Variants in MUC5AC observed in about 807,000 individuals in gnomAD.
MUC5AC encodes the protein mucin 5AC, oligomeric mucus/gel-forming.
A neutral mutation model predicts 169.7 loss-of-function variants in MUC5AC; 158 were observed. That is an observed-to-expected ratio of 0.93 (90% CI 0.82 to 1.06). The LOEUF is 1.06. MUC5AC is among the 50% of genes least tolerant of loss of function. MUC5AC has a pLI of 0.00. For synonymous variants in MUC5AC, 1,975 were observed against 1,237.0 expected (o/e 1.60, Z -12.52); for missense variants, 4,359 against 3,089.9 (o/e 1.41, Z -9.74).
rs780546438 is a variant in MUC5AC at position 1,167,933 on chromosome 11, G to A, written c.1443G>A (p.Thr481=). The change falls in exon 12 of 49, where the codon ACG becomes ACA. Residue 481 remains threonine (T), a synonymous_variant. Coordinates refer to ENST00000621226, the MANE Select transcript of MUC5AC (RefSeq NM_001304359.2). ...VLAELRRCGL[T]DSETCLKSVT... ...CTGAGCTGCGCAGGTGCGGGCTGACGGACAGCGAGACCTGCCTGAAGAGCG... is the reference window on the plus strand; with the variant it reads ...CTGAGCTGCGCAGGTGCGGGCTGACAGACAGCGAGACCTGCCTGAAGAGCG... 9.7e-6 allele frequency: 15 copies of A among 1,550,706 alleles called. No homozygotes were observed. Among genetic ancestry groups the A allele is most frequent in the Middle Eastern group, 3.3e-4 (2 of 6,010 alleles).
chr11:1,194,366 G>A lies in MUC5AC; in HGVS notation c.15006+6G>A. On this transcript the variant is annotated splice_donor_region_variant and intron_variant, in intron 34 of 48. Transcript: ENST00000621226. ...ACGGGGTGATGACAAACGAGGTGGGGGCGCGCCCGGTGTGCCGCGGAGGGG... is the reference window on the plus strand; with the variant it reads ...ACGGGGTGATGACAAACGAGGTGGGAGCGCGCCCGGTGTGCCGCGGAGGGG... The A allele has an allele frequency of 1.4e-6, 1 of 719,538 alleles. No individual in the cohort carries two copies. The highest frequency in any genetic ancestry group is 1.9e-5 in the Admixed American group (1 of 52,126). 44.6% of individuals were successfully genotyped at this position (719,538 alleles called of 1,614,324 possible).
Position 1,187,270 on chromosome 11 carries a change from G to A in MUC5AC, c.9125G>A (p.Ser3042Asn). The change falls in exon 31 of 49, where the codon AGC (serine) becomes AAC (asparagine). Residue 3042 changes from serine (S) to asparagine (N), a missense_variant. By Grantham distance (46) the Ser-to-Asn change is conservative. Transcript: ENST00000621226. ...PTTSTTSTPT[S>N]STTSSPQTST... is the part of the protein sequence containing the mutation. The stretch of plus-strand genomic sequence containing the variant: ...ACCAGCACAACCTCTACCCCTACAA[G>A]CAGCACAACCTCCTCTCCACAGACC... 1 of 616,810 alleles carries A rather than the reference G, an allele frequency of 1.6e-6. No individual in the cohort carries two copies. Among genetic ancestry groups the A allele is most frequent in the South Asian group, 1.6e-5 (1 of 61,176 alleles). The allele number at this position is 616,810 out of a possible 1,614,324, so 38.2% of individuals were successfully genotyped here.
chr11:1,168,009 A>C, intron 12 of MUC5AC, 22 bp downstream of exon 12: 1 of 1,540,068 alleles, frequency 6.5e-7, no homozygotes. Context: ...CTGGCAGGGC[A>C]AACCCCGGGA....
intron 15 of MUC5AC, among the ~76,000 whole-genome samples, chr11:1,171,591 AC>A (rs1257176429): frequency 7.0e-5 from 9 of 128,908 alleles, no homozygotes; most frequent in Admixed American, 1.6e-4. Context: ...TCACCCACTC[AC>A]CCACTCACTC....
In MUC5AC at chr11:1,194,437, C is replaced by A. The variant is rs183308551; in HGVS notation, c.15007-50C>A. On this transcript the variant is annotated intron_variant, in intron 34 of 48. Transcript: ENST00000621226. Reference sequence around the variant, plus strand: ...GGCAAGAGCCTGAGCAGCGGCTGACCGCCCGCCCGCCTGCCTTCTGACTTC... The same window carrying A: ...GGCAAGAGCCTGAGCAGCGGCTGACAGCCCGCCCGCCTGCCTTCTGACTTC... The A allele has an allele frequency of 8.7e-5, 62 of 713,730 alleles. No individual in the cohort carries two copies. In the East Asian group the frequency reaches 1.5e-3, roughly 17 times the overall value. The allele number at this position is 713,730 out of a possible 1,614,324, so 44.2% of individuals were successfully genotyped here. A position where few individuals can be genotyped will look rare whatever the true frequency, so the allele number is the denominator to read the frequency against.
chr11:1,190,921 C>T lies in MUC5AC; in HGVS notation c.12776C>T (p.Pro4259Leu). The T allele has an allele frequency of 1.4e-6, 1 of 738,082 alleles. No individual in the cohort carries two copies. The highest frequency in any genetic ancestry group is 2.5e-6 in the Non-Finnish European group (1 of 405,484). 45.7% of individuals were successfully genotyped at this position (738,082 alleles called of 1,614,324 possible). The part of the protein sequence containing the change: ...TTSGPGTTPS[P>L]VPSTSTTSAA... Reference sequence around the variant, plus strand: ...TCTGGTCCTGGAACTACTCCAAGCCCTGTTCCCAGCACCAGTACAACCTCT... The same window carrying T: ...TCTGGTCCTGGAACTACTCCAAGCCTTGTTCCCAGCACCAGTACAACCTCT... The change falls in exon 31 of 49, where the codon CCT becomes CTT. Residue 4259 changes from proline (P) to leucine (L), a missense_variant. Coordinates refer to ENST00000621226, the MANE Select transcript of MUC5AC (RefSeq NM_001304359.2).
In MUC5AC at chr11:1,191,606, C is replaced by A. The variant is rs76948056; in HGVS notation, c.13461C>A (p.Thr4487=). The A allele has an allele frequency of 1.4e-6, 1 of 711,628 alleles. No individual in the cohort carries two copies. Among genetic ancestry groups the A allele is most frequent in the African/African-American group, 1.8e-5 (1 of 54,662 alleles). The allele number at this position is 711,628 out of a possible 1,614,324, so 44.1% of individuals were successfully genotyped here. ...PGTTPSPVPT[T]STTSAPTTST... is the part of the protein sequence containing the mutation. ...CTACTCCCAGCCCTGTTCCCACCAC[C>A]AGCACAACCTCTGCTCCTACAACCA... The change falls in exon 31 of 49, where the codon ACC becomes ACA. Residue 4487 remains threonine (T), a synonymous_variant. Coordinates refer to ENST00000621226, the MANE Select transcript of MUC5AC (RefSeq NM_001304359.2).
intron 27 of MUC5AC, 59 bp from the exon 28 acceptor site, chr11:1,180,295 T>C (rs1025419866): frequency 2.5e-6 from 1 of 398,480 alleles, no homozygotes; most frequent in Non-Finnish European, 4.4e-6. Context: ...GGCGGAGCCC[T>C]CCAGAGCGAG....
In MUC5AC at chr11:1,182,650, G is replaced by A. The variant is rs879011418; in HGVS notation, c.4505G>A (p.Arg1502Gln). The A allele has an allele frequency of 1.1e-4, 42 of 399,170 alleles. No individual in the cohort carries two copies. Among genetic ancestry groups the A allele is most frequent in the East Asian group, 1.8e-4 (5 of 28,078 alleles). 24.7% of individuals were successfully genotyped at this position (399,170 alleles called of 1,614,324 possible). A position where few individuals can be genotyped will look rare whatever the true frequency, so the allele number is the denominator to read the frequency against. Residue 1502 changes from arginine (R) to glutamine (Q), a missense_variant, in exon 31 of 49, where the codon CGG (arginine) becomes CAG (glutamine). Physicochemically the swap from Arg to Gln is conservative, Grantham distance 43. Coordinates refer to ENST00000621226, the MANE Select transcript of MUC5AC (RefSeq NM_001304359.2). ...ACTACCTCCAAGACCACTGAAACCC[G>A]GGCCTCAGGCTCCTCAGCTCCCAGC... ...PPTTSKTTET[R>Q]ASGSSAPSST... is the part of the protein sequence containing the mutation.
rs1157681422 is a variant in MUC5AC, at chr11:1,199,978, C to T, written c.16700+9C>T. The T allele has an allele frequency of 1.3e-6, 1 of 756,758 alleles. No individual in the cohort carries two copies. Among genetic ancestry groups the T allele is most frequent in the Admixed American group, 1.7e-5 (1 of 57,812 alleles). The allele number at this position is 756,758 out of a possible 1,614,324, so 46.9% of individuals were successfully genotyped here. On this transcript the variant is annotated intron_variant, in intron 48 of 48. Transcript: ENST00000621226. The stretch of plus-strand genomic sequence containing the variant: ...GGGGACAGCTCTTCCATGTACGTGC[C>T]TGGGCAGCAGGCAGGGAGACGCGAT...
At position 1,189,478 on chromosome 11, in the gene MUC5AC, C is replaced by T. The variant is rs1590147312; in HGVS notation, c.11333C>T (p.Ala3778Val). The stretch of plus-strand genomic sequence containing the variant: ...GCTCCTACAACCAACACAACCTCTG[C>T]CCCTACAACTAGCACTACCTCTGCT... ...SSAPTTNTTS[A>V]PTTSTTSAPI... is the part of the protein sequence containing the mutation. Residue 3778 changes from alanine to valine, a missense_variant, in exon 31 of 49, where the codon GCC becomes GTC. Coordinates refer to ENST00000621226, the MANE Select transcript of MUC5AC (RefSeq NM_001304359.2). 2 of 581,130 alleles carry T rather than the reference C, an allele frequency of 3.4e-6. No homozygotes were observed. Among genetic ancestry groups the T allele is most frequent in the Non-Finnish European group, 3.1e-6 (1 of 327,464 alleles). 36.0% of individuals were successfully genotyped at this position (581,130 alleles called of 1,614,324 possible). A position where few individuals can be genotyped will look rare whatever the true frequency, so the allele number is the denominator to read the frequency against.
In MUC5AC at chr11:1,194,656, C is replaced by T. The variant is rs1415043881; in HGVS notation, c.15176C>T (p.Thr5059Ile). ...EVPFSKFANN[T>I]EGQCGTCTND... ...CCCTTCAGCAAGTTTGCCAACAACACCGAGGGCCAGTGCGGTGAGGCCACA... is the reference window on the plus strand; with the variant it reads ...CCCTTCAGCAAGTTTGCCAACAACATCGAGGGCCAGTGCGGTGAGGCCACA... The change falls in exon 35 of 49, where the codon ACC becomes ATC. Residue 5059 changes from threonine (T) to isoleucine (I), a missense_variant. Thr to Ile is a moderately conservative substitution (Grantham distance 89). Transcript: ENST00000621226. 1.3e-6 allele frequency: 1 copy of T among 761,626 alleles called. No individual in the cohort carries two copies. Among genetic ancestry groups the T allele is most frequent in the Non-Finnish European group, 2.4e-6 (1 of 415,780 alleles). 47.2% of individuals were successfully genotyped at this position (761,626 alleles called of 1,614,324 possible).
Position 1,185,734 on chromosome 11 carries a change from C to G in MUC5AC, c.7589C>G (p.Thr2530Ser). ...ACCAGCACAACCTCTGGTGCTGGAA[C>G]TACTCCCAGCCCTGTTCCCACCACC... ...STTSTTSGAG[T>S]TPSPVPTTST... The change falls in exon 31 of 49, where the codon ACT becomes AGT. Residue 2530 changes from threonine to serine, a missense_variant. Transcript: ENST00000621226. 1.4e-6 allele frequency: 1 copy of G among 738,080 alleles called. No individual in the cohort carries two copies. Among genetic ancestry groups the G allele is most frequent in the Non-Finnish European group, 2.5e-6 (1 of 401,662 alleles). The allele number at this position is 738,080 out of a possible 1,614,324, so 45.7% of individuals were successfully genotyped here.
Position 1,199,867 on chromosome 11 carries a change from C to G in MUC5AC, c.16598C>G (p.Ala5533Gly). 1.3e-6 allele frequency: 1 copy of G among 764,154 alleles called. No individual in the cohort carries two copies. Among genetic ancestry groups the G allele is most frequent in the Middle Eastern group, 2.3e-4 (1 of 4,440 alleles). The allele number at this position is 764,154 out of a possible 1,614,324, so 47.3% of individuals were successfully genotyped here. Residue 5533 changes from alanine (A) to glycine (G), a missense_variant, in exon 48 of 49, where the codon GCT becomes GGT. Ala to Gly is a moderately conservative substitution (Grantham distance 60). Transcript: ENST00000621226. ...TGTTCCTCTCCAGAGTCGACCTGTGCTGTGTACCATAGGAGCCTGATCATC... is the reference window on the plus strand; with the variant it reads ...TGTTCCTCTCCAGAGTCGACCTGTGGTGTGTACCATAGGAGCCTGATCATC... Reference protein sequence around the residue: ...PPPYQNQSTCAVYHRSLIIQQ... With the variant: ...PPPYQNQSTCGVYHRSLIIQQ...
intron 12 of MUC5AC, 84 bp downstream of exon 12, chr11:1,168,071 T>C (rs1433192431): frequency 4.1e-6 from 5 of 1,221,582 alleles, no homozygotes; most frequent in Non-Finnish European, 4.7e-6. Context: ...AAGCCCTTCA[T>C]CCCTGGCATG....
rs1292324385 is a variant in MUC5AC, at chr11:1,195,044, C to T, written c.15223C>T (p.Arg5075Cys). The change falls in exon 36 of 49, where the codon CGC becomes TGC. Residue 5075 changes from arginine to cysteine, a missense_variant. Transcript: ENST00000621226. Reference sequence around the variant, plus strand: ...CACCAACGACAGGAAGGATGAGTGCCGCACGCCTAGGGGGACGGTGGTCGC... The same window carrying T: ...CACCAACGACAGGAAGGATGAGTGCTGCACGCCTAGGGGGACGGTGGTCGC... ...TCTNDRKDEC[R>C]TPRGTVVASC... 8.0e-6 allele frequency: 6 copies of T among 749,788 alleles called. No individual in the cohort carries two copies. The highest frequency in any genetic ancestry group is 5.1e-5 in the African/African-American group (3 of 58,790). The allele number at this position is 749,788 out of a possible 1,614,324, so 46.4% of individuals were successfully genotyped here.
At chr11:1,171,935 CCACTCATTCACTCACTCACT>C (rs1445885577) in intron 15 of MUC5AC, among the ~76,000 whole-genome samples, 2 of 120,408 alleles carry the variant, frequency 1.7e-5, no homozygotes, top group Non-Finnish European at 3.4e-5. Context: ...ACTCACTCAT[CCACTCATTCACTCACTCACT>C]CACTCACTCA....
rs1227011032 is a variant in MUC5AC, at chr11:1,197,646, C to T, written c.16033+7C>T. The T allele has an allele frequency of 7.2e-6, 5 of 696,904 alleles. No homozygotes were observed. The highest frequency in any genetic ancestry group is 1.3e-5 in the Non-Finnish European group (5 of 379,462). The allele number at this position is 696,904 out of a possible 1,614,324, so 43.2% of individuals were successfully genotyped here. On this transcript the variant is annotated splice_region_variant and intron_variant, in intron 41 of 48. Transcript: ENST00000621226. ...TGCCCCCAGTACAGCTGCGGTAAGC[C>T]CTTTGCTGGGTGAGGGGCATGGTGT...
intron 35 of MUC5AC, 25 bp from the exon 36 acceptor site, chr11:1,194,987 C>A: frequency 1.4e-6 from 1 of 704,940 alleles, no homozygotes; most frequent in Middle Eastern, 2.3e-4. Flanking sequence ...TGTCCAGCAG[C>A]CTGACCCCCA....
Sources: gnomAD v4.1 joint callset for allele counts (sites outside exome capture counted in the v4.1 genomes callset) on GRCh38, gnomAD v4.1.1 for gene constraint, MANE v1.5 for transcripts, NCBI Gene and HGNC (gene_info 2026-07-23, HGNC 2026-07-21) for gene names.